TANC1: variants seen among roughly 807,000 people sequenced by gnomAD.
TANC1 encodes the protein protein TANC1.
Under a neutral mutation model 149.7 loss-of-function variants are expected in TANC1, and 77 were observed. The ratio of observed to expected loss-of-function variants is 0.51; its 90% CI spans 0.43 to 0.62. The LOEUF (loss-of-function observed/expected upper bound fraction) is 0.62, where lower values mean the gene tolerates loss of function less well. TANC1 is among the 20% of genes least tolerant of loss of function. TANC1 has a pLI of 0.00. For synonymous variants in TANC1, 854 were observed against 925.0 expected, an observed-to-expected ratio of 0.92 and a Z score of 1.39; for missense variants, 1,985 against 2,321.8, an observed-to-expected ratio of 0.85 and a Z score of 2.98.
Position 159,102,789 on chromosome 2 carries a change from G to GCT in TANC1, c.259+4957_259+4958dup, listed in dbSNP as rs2046867713. Among the ~76,000 whole-genome samples, 3 of 80,734 alleles carry GCT rather than the reference G, an allele frequency of 3.7e-5. No individual in the cohort carries two copies. The South Asian group carries it at 1.4e-3, about 37-fold the overall frequency. The allele number at this position is 80,734 out of a possible 152,430, so 53.0% of individuals were successfully genotyped here. On this transcript the variant is annotated intron_variant, in intron 4 of 26. Transcript: ENST00000263635. ...GCTGGAGTGCAGTGGTGTGATCTGG[G>GCT]CTCACTGCAAGCTCCGCCTCCCAGG...
chr2:159,210,592 G>A (rs1176920759), intron 19 of TANC1, among the ~76,000 whole-genome samples: 3 of 151,942 alleles, frequency 2.0e-5, no homozygotes, highest in Admixed American at 1.3e-4. Flanking sequence ...TTTTGAGATG[G>A]TGTCTTGCTC....
intron 4 of TANC1, among the ~76,000 whole-genome samples, chr2:159,107,685 T>C (rs1390124625): frequency 6.6e-6 from 1 of 152,220 alleles, no homozygotes; most frequent in Non-Finnish European, 1.5e-5. Context: ...CCATTGCTCA[T>C]CCTCTGGAAA....
In TANC1 at chr2:159,229,694, G is replaced by T; in HGVS notation, c.4268G>T (p.Ser1423Ile). The T allele has an allele frequency of 6.2e-7, 1 of 1,613,980 alleles. No homozygotes were observed. Among genetic ancestry groups the T allele is most frequent in the Non-Finnish European group, 8.5e-7 (1 of 1,180,004 alleles). ...VEEECKQLQR[S>I]QQQKQQGPLP... is the part of the protein sequence containing the mutation. ...GAGGAGTGCAAACAACTCCAGAGGA[G>T]TCAACAGCAAAAACAGCAGGGCCCG... Residue 1423 changes from serine (S) to isoleucine (I), a missense_variant, in exon 27 of 27, where the codon AGT (serine) becomes ATT (isoleucine). Ser to Ile is a moderately radical substitution (Grantham distance 142). Coordinates refer to ENST00000263635, the MANE Select transcript of TANC1 (RefSeq NM_033394.3).
chr2:159,188,931 A>C (rs2057233595), intron 16 of TANC1, among the ~76,000 whole-genome samples: 2 of 152,224 alleles, frequency 1.3e-5, no homozygotes, highest in South Asian at 4.1e-4. Context: ...AGGATGAATC[A>C]TTTAAACAGG....
chr2:159,112,408 A>T (rs936871713), intron 4 of TANC1, among the ~76,000 whole-genome samples: 7 of 151,966 alleles, frequency 4.6e-5, no homozygotes, highest in African/African-American at 1.7e-4. Flanking sequence ...GGCAGATTCC[A>T]CCACATGCAG....
At chr2:159,148,451 T>C (rs2052389750) in intron 5 of TANC1, 1 of 152,268 alleles carries the variant, frequency 6.6e-6, no homozygotes. Context: ...TTTCCCAGCA[T>C]TGCTGTGCAG....
rs145487819 is a variant in TANC1 at position 159,076,422 on chromosome 2, T to C, written c.61+10451T>C. On this transcript the variant is annotated intron_variant, in intron 3 of 26. Transcript: ENST00000263635. ...AAATAAAAGCATAAAAGCAACCCCA[T>C]TGAGTCATCAAGCCATCCACAGTAC... Among the ~76,000 whole-genome samples the C allele has an allele frequency of 1.4e-3, 215 of 152,290 alleles. 2 individuals carry two copies. The East Asian group carries it at 0.035, about 25-fold the overall frequency.
rs146419958 is a variant in TANC1 at position 159,109,154 on chromosome 2, A to G, written c.259+11320A>G. ...TCCAGAACTGGTGAGACTGCAGTTC[A>G]GCTAATGAGATGTGAAGGGTCCTGA... On this transcript the variant is annotated intron_variant, in intron 4 of 26. Coordinates refer to ENST00000263635, the MANE Select transcript of TANC1 (RefSeq NM_033394.3). Among the ~76,000 whole-genome samples the G allele has an allele frequency of 4.5e-3, 680 of 152,288 alleles. 6 individuals carry two copies. Among genetic ancestry groups the G allele is most frequent in the Non-Finnish European group, 4.0e-3 (270 of 68,016 alleles).
intron 2 of TANC1, among the ~76,000 whole-genome samples, chr2:159,032,357 A>G (rs1216856846): frequency 6.6e-6 from 1 of 152,132 alleles, no homozygotes; most frequent in Non-Finnish European, 1.5e-5. Flanking sequence ...CCCCATTCCT[A>G]TTTTTGAGGA....
chr2:159,137,747 C>G (rs147471196), intron 5 of TANC1, among the ~76,000 whole-genome samples: 7 of 152,252 alleles, frequency 4.6e-5, no homozygotes, highest in Non-Finnish European at 1.0e-4. Flanking sequence ...TCAGATTAAG[C>G]CTGCTACCTA....
At chr2:158,973,685 G>A (rs1024033248) in intron 1 of TANC1, among the ~76,000 whole-genome samples, 1 of 152,198 alleles carries the variant, frequency 6.6e-6, no homozygotes, top group African/African-American at 2.4e-5. Flanking sequence ...AATGGAAGAG[G>A]GAGGGAGCTG....
chr2:159,013,790 G>T (rs1385899937), intron 2 of TANC1, among the ~76,000 whole-genome samples: 1 of 152,208 alleles, frequency 6.6e-6, no homozygotes, highest in African/African-American at 2.4e-5. Context: ...CCAGGTACCA[G>T]AAAGTAGATG....
chr2:159,193,337 T>C (rs1239035892), intron 16 of TANC1, among the ~76,000 whole-genome samples: 2 of 152,224 alleles, frequency 1.3e-5, no homozygotes, highest in Admixed American at 6.5e-5. Flanking sequence ...TGTATGTATA[T>C]GTACCACATT....
chr2:159,174,855 G>A (rs1193491569), intron 11 of TANC1, 98 bp from the exon 12 acceptor site: 1 of 890,364 alleles, frequency 1.1e-6, no homozygotes. Context: ...TATGTATCTT[G>A]TTACCAGCGA....
chr2:159,040,037 G>T (rs944919000), intron 2 of TANC1, among the ~76,000 whole-genome samples: 6 of 152,308 alleles, frequency 3.9e-5, no homozygotes, highest in African/African-American at 1.4e-4. Context: ...GGGTGCTCCT[G>T]CATTGGGTGC....
At chr2:159,159,717 T>A (rs563253456) in intron 7 of TANC1, among the ~76,000 whole-genome samples, 4,926 of 114,662 alleles carry the variant, frequency 0.043, 162 homozygotes, top group Admixed American at 0.11. Context: ...TGTGTGTGTG[T>A]GAGAGAGAGA....
intron 7 of TANC1, among the ~76,000 whole-genome samples, chr2:159,160,545 T>A (rs2053944958): frequency 6.6e-6 from 1 of 152,186 alleles, no homozygotes; most frequent in African/African-American, 2.4e-5. Flanking sequence ...TGTTCTTAGG[T>A]TATGCAGGGA....
rs1322820375 is a variant in TANC1, at chr2:159,170,398, G to A, written c.1070-126G>A. ...GTATTAATAGAACGAGATTGGAAAT[G>A]CTTACAGACAGATCCTAGTGGGGGT... On this transcript the variant is annotated intron_variant, in intron 9 of 26. Transcript: ENST00000263635. 5.9e-6 allele frequency: 5 copies of A among 842,022 alleles called. No homozygotes were observed. The African/African-American group carries it at 6.9e-5, about 12-fold the overall frequency. The allele number at this position is 842,022 out of a possible 1,614,324, so 52.2% of individuals were successfully genotyped here. A position where few individuals can be genotyped will look rare whatever the true frequency, so the allele number is the denominator to read the frequency against.
At chr2:158,979,180 G>T (rs1224064188) in intron 1 of TANC1, among the ~76,000 whole-genome samples, 1 of 152,148 alleles carries the variant, frequency 6.6e-6, no homozygotes, top group Non-Finnish European at 1.5e-5. Context: ...TTTTCCAAAG[G>T]ATCTGTTTAT....
Sources: gnomAD v4.1 joint callset for allele counts (sites outside exome capture counted in the v4.1 genomes callset) on GRCh38, gnomAD v4.1.1 for gene constraint, MANE v1.5 for transcripts, NCBI Gene and HGNC (gene_info 2026-07-23, HGNC 2026-07-21) for gene names.